Variants in RANBP2 observed in about 807,000 individuals in gnomAD.
RANBP2 encodes RAN binding protein 2, also known as E3 SUMO-protein ligase RanBP2.
RANBP2 carries 57 observed loss-of-function variants against 303.6 expected under a neutral mutation model. The observed-to-expected ratio is 0.19, with a 90% CI of 0.15 to 0.23. RANBP2 has a LOEUF of 0.23. Ranked by LOEUF, RANBP2 falls within the 10% of genes least tolerant of loss-of-function variation. RANBP2 has a pLI of 1.00. For missense variants in RANBP2, 3,138 were observed against 3,780.8 expected, an observed-to-expected ratio of 0.83 and a Z score of 4.46; for synonymous variants, 1,167 against 1,301.5, an observed-to-expected ratio of 0.90 and a Z score of 2.23.
the RANBP2 span, among the ~76,000 whole-genome samples, chr2:108,961,344 G>A: frequency 6.6e-6 from 1 of 152,162 alleles, no homozygotes. Flanking sequence ...CACCAGTCTA[G>A]GCTGACCTCC....
the RANBP2 span, among the ~76,000 whole-genome samples, chr2:109,032,103 A>G: frequency 7.6e-4 from 116 of 152,210 alleles, 2 homozygotes; most frequent in African/African-American, 2.7e-3. Flanking sequence ...CAAGTTCATT[A>G]GAGACTTCCT....
chr2:109,098,503 C>A, the RANBP2 span, among the ~76,000 whole-genome samples: 1 of 152,188 alleles, frequency 6.6e-6, no homozygotes, highest in Non-Finnish European at 1.5e-5. Context: ...TTCCTATTGT[C>A]CTGACTCCCT....
the RANBP2 span, chr2:109,129,549 CGG>C: frequency 6.7e-7 from 1 of 1,495,606 alleles, no homozygotes; most frequent in Non-Finnish European, 8.9e-7. Flanking sequence ...CCATGCTGCT[CGG>C]AGCGTCCTGG....
chr2:108,912,439 C>T, the RANBP2 span, among the ~76,000 whole-genome samples: 2 of 152,182 alleles, frequency 1.3e-5, no homozygotes, highest in East Asian at 1.9e-4. Flanking sequence ...GCTATGCCCC[C>T]GCCTTCACCA....
At chr2:109,015,778 T>TA in the RANBP2 span, among the ~76,000 whole-genome samples, 1 of 151,856 alleles carries the variant, frequency 6.6e-6, no homozygotes, top group African/African-American at 2.4e-5. Flanking sequence ...ATAAATAAAA[T>TA]AAAAAAATAA....
the RANBP2 span, among the ~76,000 whole-genome samples, chr2:109,234,543 A>G: frequency 6.6e-6 from 1 of 152,238 alleles, no homozygotes; most frequent in Non-Finnish European, 1.5e-5. Flanking sequence ...ATTGGTCAGG[A>G]TAGGCTCTGT....
chr2:109,700,985 G>A, the RANBP2 span, among the ~76,000 whole-genome samples: 1 of 152,210 alleles, frequency 6.6e-6, no homozygotes, highest in Non-Finnish European at 1.5e-5. Context: ...AACTACAAAG[G>A]AGGGAGGTTC....
chr2:109,093,406 T>TAAAAAAAAAAAAA, the RANBP2 span, among the ~76,000 whole-genome samples: 2 of 90,694 alleles, frequency 2.2e-5, no homozygotes, highest in Admixed American at 1.3e-4. Flanking sequence ...CGGAGATTTG[T>TAAAAAAAAAAAAA]AAAAAAAAAA....
the RANBP2 span, among the ~76,000 whole-genome samples, chr2:108,978,342 C>T: frequency 6.6e-6 from 1 of 152,182 alleles, no homozygotes; most frequent in Non-Finnish European, 1.5e-5. Flanking sequence ...TAATCACCAT[C>T]TTATTAGGTG....
chr2:109,569,864 T>C, the RANBP2 span, among the ~76,000 whole-genome samples: 1 of 152,106 alleles, frequency 6.6e-6, no homozygotes, highest in East Asian at 1.9e-4. Flanking sequence ...AAGATAACTT[T>C]CCATGTCAAG....
At chr2:109,562,020 G>A in the RANBP2 span, among the ~76,000 whole-genome samples, 1 of 151,868 alleles carries the variant, frequency 6.6e-6, no homozygotes, top group Non-Finnish European at 1.5e-5. Flanking sequence ...AGACCAGCCT[G>A]GCCAACATGG....
chr2:109,643,035 GCCGGGTGTGATGGC>G, the RANBP2 span, among the ~76,000 whole-genome samples: 46 of 152,128 alleles, frequency 3.0e-4, no homozygotes, highest in South Asian at 3.5e-3. Flanking sequence ...TAAAACATTA[GCCGGGTGTGATGGC>G]TCACATCTAT....
the RANBP2 span, among the ~76,000 whole-genome samples, chr2:109,662,902 T>C: frequency 1.3e-5 from 2 of 152,198 alleles, no homozygotes; most frequent in Non-Finnish European, 2.9e-5. Context: ...TCCAATGTGG[T>C]TCTTCTCAAG....
At chr2:109,417,490 C>G in the RANBP2 span, among the ~76,000 whole-genome samples, 3 of 152,332 alleles carry the variant, frequency 2.0e-5, no homozygotes, top group Admixed American at 2.0e-4. Context: ...CGGTGCTCAG[C>G]CTTTCCTGCT....
chr2:109,344,953 A>G, the RANBP2 span, among the ~76,000 whole-genome samples: 42 of 152,324 alleles, frequency 2.8e-4, no homozygotes, highest in South Asian at 8.7e-3. Context: ...CCACTGGCAC[A>G]GAGGCAGGTT....
chr2:109,149,673 G>T, the RANBP2 span, among the ~76,000 whole-genome samples: 1 of 152,188 alleles, frequency 6.6e-6, no homozygotes, highest in South Asian at 2.1e-4. Flanking sequence ...TGTGGCAGCA[G>T]CAACGTTGCA....
chr2:109,710,843 C>T, the RANBP2 span, among the ~76,000 whole-genome samples: 1 of 152,086 alleles, frequency 6.6e-6, no homozygotes, highest in African/African-American at 2.4e-5. Context: ...GCAGCTTTGG[C>T]ATAGAAAATG....
At chr2:109,369,080 C>G in the RANBP2 span, among the ~76,000 whole-genome samples, 1 of 152,094 alleles carries the variant, frequency 6.6e-6, no homozygotes, top group Non-Finnish European at 1.5e-5. Flanking sequence ...CATGGTGGCT[C>G]ACGCCTATAA....
At chr2:108,777,081 A>C (rs765726509) in intron 24 of RANBP2, 49 bp from the exon 25 acceptor site, 1 of 1,525,992 alleles carries the variant, frequency 6.6e-7, no homozygotes, top group East Asian at 2.3e-5. Flanking sequence ...TAAAGCTTTG[A>C]TATTCAGCAC....
Sources: allele counts gnomAD v4.1 joint callset (sites outside exome capture counted in the v4.1 genomes callset), GRCh38; gene constraint gnomAD v4.1.1; transcripts MANE v1.5; gene names NCBI Gene and HGNC (gene_info 2026-07-23, HGNC 2026-07-21).